BMAL1: variants seen among roughly 807,000 people sequenced by gnomAD.
The protein encoded by BMAL1 is basic helix-loop-helix ARNT-like protein 1.
chr11:13,364,726 ATGT>A, the BMAL1 span, among the ~76,000 whole-genome samples: 1 of 152,150 alleles, frequency 6.6e-6, no homozygotes, highest in Non-Finnish European at 1.5e-5. Flanking sequence ...TCTTTACCAA[ATGT>A]TGTCCTATCT....
At chr11:13,362,319 G>A in the BMAL1 span, among the ~76,000 whole-genome samples, 3 of 152,124 alleles carry the variant, frequency 2.0e-5, no homozygotes, top group African/African-American at 7.2e-5. Flanking sequence ...TTATTGTTAG[G>A]TCAGGTTTTT....
chr11:13,277,862 C>A, the BMAL1 span: 1 of 150,592 alleles, frequency 6.6e-6, no homozygotes, highest in Non-Finnish European at 1.5e-5. Context: ...GCCGGACTCA[C>A]CGCCGCCGCC....
chr11:13,344,319 C>T, the BMAL1 span, among the ~76,000 whole-genome samples: 2 of 152,346 alleles, frequency 1.3e-5, no homozygotes, highest in South Asian at 2.1e-4. Context: ...ACTTGACTGC[C>T]ACCTGCTGGA....
chr11:13,305,365 C>T, the BMAL1 span, among the ~76,000 whole-genome samples: 7 of 152,088 alleles, frequency 4.6e-5, no homozygotes, highest in South Asian at 6.2e-4. Context: ...TTACTGATTG[C>T]GAATGGGGTT....
the BMAL1 span, among the ~76,000 whole-genome samples, chr11:13,352,312 T>C: frequency 6.6e-6 from 1 of 152,140 alleles, no homozygotes. Context: ...CTGGGCGGCA[T>C]GCAGGCCTCT....
chr11:13,367,971 G>A, the BMAL1 span, among the ~76,000 whole-genome samples: 4 of 152,300 alleles, frequency 2.6e-5, no homozygotes, highest in South Asian at 6.2e-4. Context: ...AGCTGTCCAC[G>A]TTAATCCCTG....
chr11:13,311,188 C>T, the BMAL1 span, among the ~76,000 whole-genome samples: 1 of 152,126 alleles, frequency 6.6e-6, no homozygotes, highest in African/African-American at 2.4e-5. Flanking sequence ...AAGAAATGTC[C>T]AGCAGAGAAT....
the BMAL1 span, chr11:13,374,256 C>G: frequency 6.0e-6 from 9 of 1,504,394 alleles, no homozygotes; most frequent in African/African-American, 2.8e-5. Context: ...TGCTTCTAGA[C>G]TAGTCAACAT....
At chr11:13,302,204 C>T in the BMAL1 span, among the ~76,000 whole-genome samples, 1 of 152,134 alleles carries the variant, frequency 6.6e-6, no homozygotes, top group Non-Finnish European at 1.5e-5. Flanking sequence ...GAGCTGCAGA[C>T]AATCCCAGGA....
chr11:13,323,975 A>G, the BMAL1 span, among the ~76,000 whole-genome samples: 1 of 152,224 alleles, frequency 6.6e-6, no homozygotes, highest in African/African-American at 2.4e-5. Flanking sequence ...GTACATAGTG[A>G]TGTTTCAATA....
chr11:13,301,187 G>A, the BMAL1 span, among the ~76,000 whole-genome samples: 4 of 152,082 alleles, frequency 2.6e-5, no homozygotes, highest in Admixed American at 1.3e-4. Context: ...TACCTGCCTC[G>A]GCCTCCCAAA....
the BMAL1 span, among the ~76,000 whole-genome samples, chr11:13,352,547 T>C: frequency 6.6e-6 from 1 of 152,260 alleles, no homozygotes; most frequent in African/African-American, 2.4e-5. Flanking sequence ...TAGAAATTAT[T>C]GTCGCTTTTC....
At chr11:13,330,533 A>G in the BMAL1 span, among the ~76,000 whole-genome samples, 9 of 152,248 alleles carry the variant, frequency 5.9e-5, no homozygotes, top group Non-Finnish European at 1.3e-4. Flanking sequence ...CCACATTTCA[A>G]GGGCTTCGTA....
chr11:13,378,349 G>A, the BMAL1 span: 1 of 1,611,068 alleles, frequency 6.2e-7, no homozygotes, highest in Non-Finnish European at 8.5e-7. Context: ...GGCCCAAAGA[G>A]GACCCACCCC....
chr11:13,287,952 A>C, the BMAL1 span, among the ~76,000 whole-genome samples: 23 of 152,326 alleles, frequency 1.5e-4, no homozygotes, highest in African/African-American at 5.5e-4. Context: ...AGGAGCCTGC[A>C]GTTTGATTGC....
chr11:13,371,275 G>GTCTGTTTTCTTTCTTCTCTGAGTC, the BMAL1 span, among the ~76,000 whole-genome samples: 1 of 152,072 alleles, frequency 6.6e-6, no homozygotes, highest in East Asian at 1.9e-4. Context: ...CTCTCTTCTA[G>GTCTGTTTTCTTTCTTCTCTGAGTC]TCTGTTTTCT....
chr11:13,381,318 G>GT, the BMAL1 span: 1 of 1,522,600 alleles, frequency 6.6e-7, no homozygotes, highest in Middle Eastern at 1.7e-4. Flanking sequence ...AATGTTGGGG[G>GT]TGGGAGTATG....
chr11:13,380,539 T>G, the BMAL1 span: 2 of 152,216 alleles, frequency 1.3e-5, no homozygotes, highest in Non-Finnish European at 2.9e-5. Flanking sequence ...TTCTGAGAGA[T>G]ATGCTAGATA....
At chr11:13,296,670 C>A in the BMAL1 span, among the ~76,000 whole-genome samples, 2 of 152,124 alleles carry the variant, frequency 1.3e-5, no homozygotes, top group Non-Finnish European at 1.5e-5. Flanking sequence ...GTGGTAGTGA[C>A]CCTTTGGGAA....
Sources: allele counts gnomAD v4.1 joint callset (sites outside exome capture counted in the v4.1 genomes callset), GRCh38; gene constraint gnomAD v4.1.1; transcripts MANE v1.5; gene names NCBI Gene and HGNC (gene_info 2026-07-23, HGNC 2026-07-21).